The following CA10 variants were observed in gnomAD, a reference collection of about 807,000 sequenced individuals.
The protein encoded by CA10 is carbonic anhydrase 10 (inactive).
A neutral mutation model predicts 44.2 loss-of-function variants in CA10; 14 were observed. That is an observed-to-expected ratio of 0.32 (90% CI 0.21 to 0.50). The LOEUF is 0.50. CA10 is among the 20% of genes least tolerant of loss of function. The pLI, the probability that CA10 is intolerant of heterozygous loss-of-function variation, is 0.99. For missense variants in CA10, 350 were observed against 409.7 expected (o/e 0.85, Z 1.26); for synonymous variants, 159 against 141.6 (o/e 1.12, Z -0.87).
Position 52,101,234 on chromosome 17 carries a change from TCTGA to T in CA10, c.62-28845_62-28842del, listed in dbSNP as rs200148330. Among the ~76,000 whole-genome samples, 666 of 152,318 alleles carry T rather than the reference TCTGA, an allele frequency of 4.4e-3. 3 individuals carry two copies. Among genetic ancestry groups the T allele is most frequent in the South Asian group, 0.028 (134 of 4,816 alleles). Reference sequence around the variant, plus strand: ...TGAGATGCTGCAATGAAAACATGTATCTGACTAATTTCTGCAACACATACATCCT... The same window carrying T: ...TGAGATGCTGCAATGAAAACATGTATCTAATTTCTGCAACACATACATCCT... On this transcript the variant is annotated intron_variant, in intron 1 of 8. Coordinates refer to ENST00000451037, the MANE Select transcript of CA10 (RefSeq NM_020178.5).
chr17:51,667,797 C>G (rs137889841), intron 4 of CA10, among the ~76,000 whole-genome samples: 8 of 152,268 alleles, frequency 5.3e-5, no homozygotes, highest in African/African-American at 1.7e-4. Context: ...GCAGGGAAGT[C>G]CAGATGGTGC....
At chr17:51,736,775 G>A (rs771564158) in intron 4 of CA10, among the ~76,000 whole-genome samples, 3 of 152,146 alleles carry the variant, frequency 2.0e-5, no homozygotes, top group Non-Finnish European at 4.4e-5. Flanking sequence ...GAGAAAAAAT[G>A]TAACTGTACA....
chr17:51,950,423 T>C (rs1983437353), intron 2 of CA10, among the ~76,000 whole-genome samples: 1 of 152,134 alleles, frequency 6.6e-6, no homozygotes, highest in Admixed American at 6.5e-5. Context: ...GTTTGGCCAA[T>C]AGGAGGCACT....
chr17:52,071,361 C>T (rs1293243567), intron 2 of CA10, among the ~76,000 whole-genome samples: 1 of 152,182 alleles, frequency 6.6e-6, no homozygotes, highest in African/African-American at 2.4e-5. Flanking sequence ...ATAATTGCCC[C>T]ATCATACAAA....
chr17:52,117,155 C>T (rs1988914866), intron 1 of CA10, among the ~76,000 whole-genome samples: 1 of 152,204 alleles, frequency 6.6e-6, no homozygotes, highest in African/African-American at 2.4e-5. Context: ...GGGTTTTCCT[C>T]AGTTGACTGA....
chr17:51,902,859 T>C (rs1981378546), intron 3 of CA10, among the ~76,000 whole-genome samples: 1 of 152,162 alleles, frequency 6.6e-6, no homozygotes, highest in African/African-American at 2.4e-5. Context: ...GGGTAGCTTA[T>C]AGTGGGGAAG....
chr17:51,805,770 C>T (rs1907106720), intron 3 of CA10, among the ~76,000 whole-genome samples: 1 of 152,176 alleles, frequency 6.6e-6, no homozygotes, highest in Non-Finnish European at 1.5e-5. Flanking sequence ...CAGTAACTCC[C>T]CACTCCCACC....
At chr17:51,878,172 A>T (rs1157318401) in intron 3 of CA10, among the ~76,000 whole-genome samples, 1 of 151,170 alleles carries the variant, frequency 6.6e-6, no homozygotes, top group Non-Finnish European at 1.5e-5. Flanking sequence ...AAAAAAGAAA[A>T]AGGAAAAAAG....
At chr17:51,763,890 T>C (rs1905283167) in intron 3 of CA10, among the ~76,000 whole-genome samples, 1 of 152,046 alleles carries the variant, frequency 6.6e-6, no homozygotes, top group Non-Finnish European at 1.5e-5. Context: ...TGTATCTTAT[T>C]CTATCCCTCA....
chr17:51,769,323 T>C (rs1294936433), intron 3 of CA10, among the ~76,000 whole-genome samples: 1 of 152,090 alleles, frequency 6.6e-6, no homozygotes, highest in African/African-American at 2.4e-5. Context: ...GTGCTAGAAC[T>C]AGAAATATAA....
At chr17:51,643,890 A>G (rs1243704688) in intron 6 of CA10, among the ~76,000 whole-genome samples, 1 of 152,130 alleles carries the variant, frequency 6.6e-6, no homozygotes, top group Admixed American at 6.5e-5. Context: ...AACCATCTCA[A>G]CGTCAGCATT....
At chr17:51,694,731 G>A (rs1011210183) in intron 4 of CA10, among the ~76,000 whole-genome samples, 1 of 152,000 alleles carries the variant, frequency 6.6e-6, no homozygotes, top group African/African-American at 2.4e-5. Flanking sequence ...ATATCCCAAG[G>A]CTAACATCCA....
chr17:51,815,759 A>G (rs1244755322), intron 3 of CA10, among the ~76,000 whole-genome samples: 1 of 151,894 alleles, frequency 6.6e-6, no homozygotes, highest in African/African-American at 2.4e-5. Context: ...TTAAAAATTT[A>G]TTTTTAAGTT....
At chr17:51,839,288 C>T (rs1478503948) in intron 3 of CA10, among the ~76,000 whole-genome samples, 5 of 151,898 alleles carry the variant, frequency 3.3e-5, no homozygotes, top group East Asian at 3.9e-4. Context: ...GTCAGGAGAT[C>T]GAGACCTTCC....
chr17:51,821,055 C>T (rs187799257), intron 3 of CA10, among the ~76,000 whole-genome samples: 6 of 111,950 alleles, frequency 5.4e-5, no homozygotes, highest in African/African-American at 1.9e-4. Context: ...CTCCCTCCCT[C>T]CCTCCCTCTC....
chr17:51,635,730 T>A (rs1912795899), intron 7 of CA10, 125 bp downstream of exon 7: 1 of 660,052 alleles, frequency 1.5e-6, no homozygotes, highest in Admixed American at 3.1e-5. Flanking sequence ...TAGTTTAAAC[T>A]ACCCAGTTTG....
intron 3 of CA10, among the ~76,000 whole-genome samples, chr17:51,820,209 C>A (rs1907717759): frequency 7.4e-6 from 1 of 134,630 alleles, no homozygotes; most frequent in Non-Finnish European, 1.6e-5. Flanking sequence ...AGGTAATACC[C>A]CCTTCAACTG....
In CA10 at chr17:52,018,083, A is replaced by T. The variant is rs118123798; in HGVS notation, c.136+54236T>A. Among the ~76,000 whole-genome samples, 25 of 152,228 alleles carry T rather than the reference A, an allele frequency of 1.6e-4. No individual in the cohort carries two copies. In the East Asian group the frequency reaches 4.3e-3, roughly 26 times the overall value. On this transcript the variant is annotated intron_variant, in intron 2 of 8. Transcript: ENST00000451037. ...GCTTGGCAGCTTCCACCCAGATTTC[A>T]GAGGATGTATGGGAAAGCCTGGGTA...
At chr17:51,674,691 T>C (rs1914550862) in intron 4 of CA10, among the ~76,000 whole-genome samples, 1 of 152,250 alleles carries the variant, frequency 6.6e-6, no homozygotes, top group Non-Finnish European at 1.5e-5. Flanking sequence ...CCGCTGCTGG[T>C]AAATTGGCAC....
Sources: allele counts gnomAD v4.1 joint callset (sites outside exome capture counted in the v4.1 genomes callset), GRCh38; gene constraint gnomAD v4.1.1; transcripts MANE v1.5; gene names NCBI Gene and HGNC (gene_info 2026-07-23, HGNC 2026-07-21).